Variants in OSBPL10 observed in about 807,000 individuals in gnomAD.
OSBPL10 encodes the protein oxysterol binding protein like 10.
In OSBPL10, 49 loss-of-function variants were observed where a neutral mutation model predicts 81.7. That is an observed-to-expected ratio of 0.60 (90% CI 0.48 to 0.76). The LOEUF (loss-of-function observed/expected upper bound fraction) is 0.76. Among genes scored for constraint, OSBPL10 ranks in the 30% least tolerant of loss-of-function variants. The pLI is 0.00. For missense variants in OSBPL10, 923 were observed against 987.8 expected, an observed-to-expected ratio of 0.93 and a Z score of 0.88; for synonymous variants, 419 against 383.6, an observed-to-expected ratio of 1.09 and a Z score of -1.08.
chr3:31,947,547 C>T (rs1697738565), intron 1 of OSBPL10, among the ~76,000 whole-genome samples: 1 of 152,196 alleles, frequency 6.6e-6, no homozygotes, highest in Non-Finnish European at 1.5e-5. Context: ...GCATATGCCA[C>T]CTTCCCCTAC....
intron 3 of OSBPL10, among the ~76,000 whole-genome samples, chr3:31,847,874 G>T (rs111902689): frequency 4.6e-5 from 7 of 152,220 alleles, no homozygotes; most frequent in African/African-American, 1.7e-4. Flanking sequence ...GGGCCCAGAA[G>T]CTGCAGCCAA....
At chr3:31,994,136 A>G (rs184673000) in intron 2 of OSBPL10, among the ~76,000 whole-genome samples, 6 of 152,374 alleles carry the variant, frequency 3.9e-5, no homozygotes, top group African/African-American at 1.4e-4. Context: ...TCAACCACAC[A>G]CTATATGATT....
At chr3:31,885,995 C>CAAAAAAAAAAAAAAAAAA (rs397957994) in intron 1 of OSBPL10, among the ~76,000 whole-genome samples, 1 of 62,530 alleles carries the variant, frequency 1.6e-5, no homozygotes, top group Non-Finnish European at 2.8e-5. Context: ...AACTCCATCT[C>CAAAAAAAAAAAAAAAAAA]AAAAAAAAAA....
At chr3:31,946,550 G>GGCGGACA (rs1177657504) in intron 1 of OSBPL10, among the ~76,000 whole-genome samples, 1 of 152,206 alleles carries the variant, frequency 6.6e-6, no homozygotes, top group Non-Finnish European at 1.5e-5. Context: ...GCAGGCAGAT[G>GGCGGACA]GCGGACAGCG....
intron 1 of OSBPL10, among the ~76,000 whole-genome samples, chr3:31,961,452 T>G (rs1047408154): frequency 3.9e-5 from 6 of 151,988 alleles, no homozygotes; most frequent in Non-Finnish European, 8.8e-5. Flanking sequence ...TGTGTTGGAG[T>G]AGGGGAGACA....
intron 3 of OSBPL10, among the ~76,000 whole-genome samples, chr3:31,866,658 A>G (rs1701190399): frequency 6.6e-6 from 1 of 152,116 alleles, no homozygotes; most frequent in Admixed American, 6.5e-5. Flanking sequence ...GGTGTCAGCT[A>G]TCATTGGAAG....
intron 1 of OSBPL10, among the ~76,000 whole-genome samples, chr3:32,050,151 C>T (rs1459569263): frequency 3.3e-5 from 5 of 152,162 alleles, no homozygotes; most frequent in Non-Finnish European, 7.4e-5. Context: ...TCTTGATCTT[C>T]GCCATCTGGA....
intron 2 of OSBPL10, among the ~76,000 whole-genome samples, chr3:31,876,957 G>A (rs1701490732): frequency 7.0e-6 from 1 of 143,566 alleles, no homozygotes; most frequent in Non-Finnish European, 1.5e-5. Context: ...AGGCTGATGT[G>A]CAGTGGCGCC....
At chr3:31,733,888 T>C (rs1375852285) in intron 5 of OSBPL10, among the ~76,000 whole-genome samples, 1 of 151,796 alleles carries the variant, frequency 6.6e-6, no homozygotes, top group Non-Finnish European at 1.5e-5. Context: ...CGGGCACCTG[T>C]AGTCCCAGCT....
intron 4 of OSBPL10, among the ~76,000 whole-genome samples, chr3:31,802,783 ATTCCTCTTTC>A (rs1699417843): frequency 6.6e-6 from 1 of 152,026 alleles, no homozygotes. Context: ...ACAAGAGTAC[ATTCCTCTTTC>A]TTCCTCTTTT....
intron 1 of OSBPL10, among the ~76,000 whole-genome samples, chr3:31,952,287 G>GT (rs1697892103): frequency 6.6e-6 from 1 of 151,604 alleles, no homozygotes; most frequent in African/African-American, 2.4e-5. Flanking sequence ...AAATTCATCT[G>GT]TTTGTCCAGG....
chr3:31,830,135 C>T lies in OSBPL10; in HGVS notation c.634G>A (p.Ala212Thr), dbSNP rs769876621. 6 of 1,613,962 alleles carry T rather than the reference C, an allele frequency of 3.7e-6. No homozygotes were observed. Among genetic ancestry groups the T allele is most frequent in the Admixed American group, 1.7e-5 (1 of 59,996 alleles). ...PCSQRHLSVG[A>T]PGVVTITHHK... ...TGCGTGATTGTGACAACACCGGGGG[C>T]CCCCACACTGAGGTGTCTCTGGCTA... The change falls in exon 4 of 12, where the codon GCC becomes ACC. Residue 212 changes from alanine to threonine, a missense_variant. Ala to Thr is a moderately conservative substitution (Grantham distance 58). Coordinates refer to ENST00000396556, the MANE Select transcript of OSBPL10 (RefSeq NM_017784.5).
intron 6 of OSBPL10, among the ~76,000 whole-genome samples, chr3:31,729,676 C>G (rs1409601070): frequency 6.6e-6 from 1 of 152,080 alleles, no homozygotes; most frequent in Non-Finnish European, 1.5e-5. Context: ...ACCTCAACCA[C>G]CCAAAGTGCT....
intron 1 of OSBPL10, among the ~76,000 whole-genome samples, chr3:31,933,778 A>T (rs548414809): frequency 6.6e-6 from 1 of 152,276 alleles, no homozygotes; most frequent in South Asian, 2.1e-4. Flanking sequence ...AATGCACTGA[A>T]GGACAGCAAT....
chr3:31,792,460 T>C (rs1456349333), intron 4 of OSBPL10, among the ~76,000 whole-genome samples: 1 of 152,194 alleles, frequency 6.6e-6, no homozygotes, highest in Non-Finnish European at 1.5e-5. Context: ...ACTCTCAACA[T>C]TGGCGACAAT....
At chr3:31,950,730 A>G (rs1206898172) in intron 1 of OSBPL10, among the ~76,000 whole-genome samples, 1 of 152,174 alleles carries the variant, frequency 6.6e-6, no homozygotes, top group Non-Finnish European at 1.5e-5. Context: ...CCCTATGGTA[A>G]TAAGTGAGTT....
At chr3:31,834,740 A>C (rs2125539523) in intron 3 of OSBPL10, among the ~76,000 whole-genome samples, 1 of 152,300 alleles carries the variant, frequency 6.6e-6, no homozygotes. Context: ...ATAGAAGCCT[A>C]GTGTGAGAAA....
chr3:31,738,625 C>T (rs1382997374), intron 5 of OSBPL10, among the ~76,000 whole-genome samples: 5 of 152,288 alleles, frequency 3.3e-5, no homozygotes, highest in Admixed American at 2.6e-4. Context: ...CTCATCTAAT[C>T]CTAATGGTGA....
chr3:31,728,141 T>G (rs1416779779), intron 6 of OSBPL10, among the ~76,000 whole-genome samples: 1 of 152,370 alleles, frequency 6.6e-6, no homozygotes, highest in East Asian at 1.9e-4. Context: ...CTAACTTATA[T>G]GCTGATATAG....
Sources: gnomAD v4.1 joint callset for allele counts (sites outside exome capture counted in the v4.1 genomes callset) on GRCh38, gnomAD v4.1.1 for gene constraint, MANE v1.5 for transcripts, NCBI Gene and HGNC (gene_info 2026-07-23, HGNC 2026-07-21) for gene names.